The following ACACA variants were observed in gnomAD, a reference collection of about 807,000 sequenced individuals.
ACACA encodes the protein acetyl-CoA carboxylase 1.
In ACACA, 103 loss-of-function variants were observed where a neutral mutation model predicts 296.1. The observed-to-expected ratio is 0.35, with a 90% CI of 0.30 to 0.41. ACACA has a LOEUF of 0.41. ACACA is among the 10% of genes least tolerant of loss of function. ACACA has a pLI of 1.00. For missense variants in ACACA, 1,554 were observed against 2,989.7 expected (o/e 0.52, Z 11.20); for synonymous variants, 953 against 1,038.6 (o/e 0.92, Z 1.58).
rs1271638363 is a variant in ACACA at position 37,257,777 on chromosome 17, C to T, written c.1752G>A (p.Gly584=). ...GAGAATCAGCAAATTCATGAAGTCC[C>T]CCTGCAGCAGCAACACTGAAATATC... ...VWGYFSVAAA[G]GLHEFADSQF... Residue 584 remains glycine, a synonymous_variant, in exon 14 of 56, where the codon GGG becomes GGA. Coordinates refer to ENST00000616317, the MANE Select transcript of ACACA (RefSeq NM_198834.3). 6.2e-7 allele frequency: 1 copy of T among 1,614,168 alleles called. No homozygotes were observed.
At chr17:37,390,175 T>TATATACACACAC (rs60788220) in intron 1 of ACACA, among the ~76,000 whole-genome samples, 14 of 44,504 alleles carry the variant, frequency 3.1e-4, no homozygotes, top group South Asian at 1.2e-3. Context: ...TATATATATA[T>TATATACACACAC]ACACACACAC....
intron 35 of ACACA, among the ~76,000 whole-genome samples, chr17:37,196,178 T>C (rs2077985963): frequency 6.6e-6 from 1 of 152,074 alleles, no homozygotes; most frequent in African/African-American, 2.4e-5. Context: ...CAATTCTCTT[T>C]TACCTCAACA....
At chr17:37,324,550 A>G (rs1343427162) in intron 3 of ACACA, among the ~76,000 whole-genome samples, 1 of 142,554 alleles carries the variant, frequency 7.0e-6, no homozygotes, top group African/African-American at 2.6e-5. Context: ...CACGCCTGTA[A>G]TCCCAGCTAC....
At chr17:37,316,859 G>C (rs891062319) in intron 3 of ACACA, among the ~76,000 whole-genome samples, 10 of 152,136 alleles carry the variant, frequency 6.6e-5, no homozygotes, top group East Asian at 3.9e-4. Context: ...GATCACCTAA[G>C]GTCCAGAGTT....
At chr17:37,340,987 G>A (rs1416410297) in intron 1 of ACACA, among the ~76,000 whole-genome samples, 2 of 152,136 alleles carry the variant, frequency 1.3e-5, no homozygotes, top group Non-Finnish European at 2.9e-5. Context: ...TAGAGTCCAG[G>A]AGCTGGAGGC....
At chr17:37,173,819 T>C (rs1347861473) in intron 41 of ACACA, among the ~76,000 whole-genome samples, 1 of 146,838 alleles carries the variant, frequency 6.8e-6, no homozygotes, top group Non-Finnish European at 1.5e-5. Flanking sequence ...TGGCAGCTAG[T>C]CTTTTTTTTT....
At chr17:37,372,140 G>A (rs981684359) in intron 1 of ACACA, among the ~76,000 whole-genome samples, 11 of 152,000 alleles carry the variant, frequency 7.2e-5, no homozygotes, top group Non-Finnish European at 1.5e-4. Context: ...TAAGCCAGAC[G>A]CAGTAGTTCA....
intron 1 of ACACA, among the ~76,000 whole-genome samples, chr17:37,373,563 CTT>C (rs1322999921): frequency 6.6e-6 from 1 of 152,078 alleles, no homozygotes; most frequent in Non-Finnish European, 1.5e-5. Context: ...ACTTTAGAGT[CTT>C]TAAGTTACAA....
intron 33 of ACACA, among the ~76,000 whole-genome samples, chr17:37,201,174 C>T (rs999141818): frequency 6.6e-6 from 1 of 152,138 alleles, no homozygotes; most frequent in South Asian, 2.1e-4. Flanking sequence ...AGTGGTGGCT[C>T]ACGCCTGTAA....
In ACACA at chr17:37,401,540, T is replaced by C. The variant is rs557443300; in HGVS notation, c.38+4722A>G. 4.8e-5 allele frequency among the ~76,000 whole-genome samples: 7 copies of C among 146,464 alleles called. No homozygotes were observed. The South Asian group carries it at 1.5e-3, about 32-fold the overall frequency. ...TAGGGGTCGTGAATATTTTCTCCCA[T>C]TCCGTAGGTTGTCTCTTTACCTTTT... On this transcript the variant is annotated intron_variant, in intron 1 of 55. Transcript: ENST00000616317.
At chr17:37,269,244 G>A (rs2081961275) in intron 10 of ACACA, among the ~76,000 whole-genome samples, 1 of 152,102 alleles carries the variant, frequency 6.6e-6, no homozygotes, top group Non-Finnish European at 1.5e-5. Context: ...AAAGTGCTAG[G>A]ATTATAGGCA....
intron 25 of ACACA, among the ~76,000 whole-genome samples, chr17:37,227,678 G>A (rs2079608677): frequency 6.6e-6 from 1 of 152,098 alleles, no homozygotes; most frequent in South Asian, 2.1e-4. Context: ...GGCTAACACG[G>A]TGAAACCCCG....
rs2074749599 is a variant in ACACA at position 37,125,724 on chromosome 17, T to A, written c.6015A>T (p.Ala2005=). The A allele has an allele frequency of 6.2e-7, 1 of 1,613,918 alleles. No individual in the cohort carries two copies. The highest frequency in any genetic ancestry group is 1.7e-5 in the Admixed American group (1 of 60,004). The change falls in exon 48 of 56, where the codon GCA becomes GCT. Residue 2005 remains alanine (A), a synonymous_variant. Transcript: ENST00000616317. ...GSFSEIMQPW[A]QTVVVGRARL... Reference sequence around the variant, plus strand: ...TGGCTCTACCAACCACCACAGTCTGTGCCCAGGGCTGCATAATCTCTGAGA... The same window carrying A: ...TGGCTCTACCAACCACCACAGTCTGAGCCCAGGGCTGCATAATCTCTGAGA...
chr17:37,144,423 G>A (rs1197535943), intron 45 of ACACA: 2 of 324,754 alleles, frequency 6.2e-6, no homozygotes, highest in African/African-American at 2.2e-5. Flanking sequence ...CCCACAGTGA[G>A]AGCTAAGTAA....
intron 3 of ACACA, among the ~76,000 whole-genome samples, chr17:37,292,439 T>G (rs541786534): frequency 2.0e-5 from 3 of 152,090 alleles, no homozygotes; most frequent in African/African-American, 7.2e-5. Context: ...AAGCCAGAAG[T>G]TAACAAAAAA....
intron 29 of ACACA, among the ~76,000 whole-genome samples, chr17:37,216,149 CACACACACAA>C (rs1487315210): frequency 3.0e-5 from 4 of 135,588 alleles, no homozygotes; most frequent in South Asian, 2.3e-4. Flanking sequence ...CACACACACA[CACACACACAA>C]CATACACATG....
intron 37 of ACACA, 32 bp downstream of exon 37, chr17:37,192,058 G>C (rs1190057251): frequency 1.3e-6 from 2 of 1,599,752 alleles, no homozygotes; most frequent in Admixed American, 3.3e-5. Flanking sequence ...CCTTCCCTCA[G>C]GGATAACATC....
chr17:37,192,782 TTTAA>T (rs767096944), intron 36 of ACACA, among the ~76,000 whole-genome samples: 158 of 152,294 alleles, frequency 1.0e-3, no homozygotes, highest in Non-Finnish European at 1.6e-3. Context: ...CATACAATTT[TTTAA>T]TTAAAGAGAT....
chr17:37,263,618 G>T, intron 11 of ACACA, 67 bp downstream of exon 11: 2 of 1,297,332 alleles, frequency 1.5e-6, no homozygotes, highest in Non-Finnish European at 2.2e-6. Flanking sequence ...TTCTCAGATT[G>T]GTACATGAAC....
Sources: allele counts gnomAD v4.1 joint callset (sites outside exome capture counted in the v4.1 genomes callset), GRCh38; gene constraint gnomAD v4.1.1; transcripts MANE v1.5; gene names NCBI Gene and HGNC (gene_info 2026-07-23, HGNC 2026-07-21).